The following CDC23 variants were observed in gnomAD, a reference collection of about 807,000 sequenced individuals.
CDC23 encodes cell division cycle protein 23 homolog.
A neutral mutation model predicts 81.7 loss-of-function variants in CDC23; 26 were observed. That is an observed-to-expected ratio of 0.32 (90% CI 0.23 to 0.44). The LOEUF (loss-of-function observed/expected upper bound fraction) is 0.44. Ranked by LOEUF, CDC23 falls within the 20% of genes least tolerant of loss-of-function variation. The pLI is 1.00. For missense variants in CDC23, 519 were observed against 728.0 expected, an observed-to-expected ratio of 0.71 and a Z score of 3.30; for synonymous variants, 267 against 270.8, an observed-to-expected ratio of 0.99 and a Z score of 0.14.
At chr5:138,198,824 C>T (rs558417043) in intron 6 of CDC23, 42 bp from the exon 7 acceptor site, 3 of 1,572,570 alleles carry the variant, frequency 1.9e-6, no homozygotes, top group Middle Eastern at 1.7e-4. Flanking sequence ...TATAACTTGA[C>T]CTCTCTCTCA....
intron 9 of CDC23, among the ~76,000 whole-genome samples, chr5:138,196,232 C>T (rs909046433): frequency 6.6e-6 from 1 of 151,152 alleles, no homozygotes; most frequent in Non-Finnish European, 1.5e-5. Context: ...GAGTTCACCT[C>T]GAATGATTAT....
rs1561634148 is a variant in CDC23, at chr5:138,195,739, ATATATATGTAT to A, written c.1012+2449_1012+2459del. Among the ~76,000 whole-genome samples the A allele has an allele frequency of 9.0e-5, 5 of 55,698 alleles. No homozygotes were observed. The East Asian group carries it at 2.6e-3, about 29-fold the overall frequency. 36.5% of individuals were successfully genotyped at this position (55,698 alleles called of 152,430 possible). On this transcript the variant is annotated intron_variant, in intron 9 of 15. Transcript: ENST00000394886. ...ATATATATGTATATATATACATATAATATATATGTATATATATACATATATTATATATGTGT... is the reference window on the plus strand; with the variant it reads ...ATATATATGTATATATATACATATAAATATATACATATATTATATATGTGT...
chr5:138,206,748 A>T, intron 2 of CDC23, 64 bp from the exon 3 acceptor site: 3 of 1,471,824 alleles, frequency 2.0e-6, no homozygotes, highest in Non-Finnish European at 2.8e-6. Flanking sequence ...AAATCTAAAA[A>T]GTATATTCGT....
intron 14 of CDC23, 23 bp from the exon 15 acceptor site, chr5:138,189,775 C>A: frequency 6.2e-7 from 1 of 1,613,286 alleles, no homozygotes. Context: ...AGCAAAATTA[C>A]TGAGGTGACA....
intron 9 of CDC23, among the ~76,000 whole-genome samples, chr5:138,194,023 C>T (rs913944745): frequency 6.6e-6 from 1 of 151,562 alleles, no homozygotes; most frequent in African/African-American, 2.4e-5. Context: ...CAGTTCTATT[C>T]TCATTGGTCT....
At chr5:138,195,772 G>GTATATATATACATATATTATA (rs1561634205) in intron 9 of CDC23, among the ~76,000 whole-genome samples, 3 of 101,668 alleles carry the variant, frequency 3.0e-5, no homozygotes, top group African/African-American at 1.2e-4. Flanking sequence ...TATTATATAT[G>GTATATATATACATATATTATA]TGTATATATA....
intron 3 of CDC23, chr5:138,206,258 C>T (rs1755046615): frequency 4.3e-6 from 2 of 466,258 alleles, no homozygotes; most frequent in East Asian, 6.6e-5. Context: ...GGCTTTTTAA[C>T]TTAATTCTTA....
chr5:138,203,199 A>G (rs887987129), intron 3 of CDC23, among the ~76,000 whole-genome samples: 2 of 152,186 alleles, frequency 1.3e-5, no homozygotes, highest in African/African-American at 2.4e-5. Context: ...TGGAAAGGGA[A>G]AAGAAGTCAA....
At chr5:138,199,935 G>C (rs1241505208) in intron 6 of CDC23, among the ~76,000 whole-genome samples, 1 of 152,178 alleles carries the variant, frequency 6.6e-6, no homozygotes, top group African/African-American at 2.4e-5. Context: ...GCCAAAAAAA[G>C]GAAGTGTATT....
rs142570644 is a variant in CDC23 at position 138,189,545 on chromosome 5, C to T, written c.1623+88G>A. 4.2e-4 allele frequency: 570 copies of T among 1,350,814 alleles called. 2 individuals carry two copies. The African/African-American group carries it at 7.4e-3, about 18-fold the overall frequency. The allele number at this position is 1,350,814 out of a possible 1,614,324, so 83.7% of individuals were successfully genotyped here. On this transcript the variant is annotated intron_variant, in intron 15 of 15. Coordinates refer to ENST00000394886, the MANE Select transcript of CDC23 (RefSeq NM_004661.4). ...AAGTGTTGGGATTATAGGTGTGAGCCGCTTGCCTGGCCAAGGTAGGCTTTC... is the reference window on the plus strand; with the variant it reads ...AAGTGTTGGGATTATAGGTGTGAGCTGCTTGCCTGGCCAAGGTAGGCTTTC...
At chr5:138,208,779 AGCATTTG>A (rs1214310437) in intron 2 of CDC23, among the ~76,000 whole-genome samples, 1 of 152,180 alleles carries the variant, frequency 6.6e-6, no homozygotes, top group African/African-American at 2.4e-5. Context: ...AGAGGCATTT[AGCATTTG>A]GCTGAGTTTT....
chr5:138,212,659 A>G (rs571488322), intron 2 of CDC23, among the ~76,000 whole-genome samples: 1 of 152,260 alleles, frequency 6.6e-6, no homozygotes, highest in Admixed American at 6.5e-5. Context: ...TTATTATGAG[A>G]TATCCTTATA....
At chr5:138,198,365 A>T in intron 8 of CDC23, 61 bp downstream of exon 8, 1 of 1,586,258 alleles carries the variant, frequency 6.3e-7, no homozygotes, top group South Asian at 1.1e-5. Context: ...GTGGGTGACA[A>T]TCCAACCCAG....
chr5:138,206,969 T>A (rs1357702562), intron 2 of CDC23, among the ~76,000 whole-genome samples: 1 of 147,218 alleles, frequency 6.8e-6, no homozygotes, highest in Non-Finnish European at 1.5e-5. Context: ...AACCTCTGCC[T>A]CCCAGGTTCA....
At chr5:138,197,519 C>T (rs1241263913) in intron 9 of CDC23, among the ~76,000 whole-genome samples, 14 of 140,104 alleles carry the variant, frequency 1.0e-4, no homozygotes, top group Admixed American at 2.9e-4. Flanking sequence ...TTTTTTGAGA[C>T]GGAGTCTCAC....
intron 9 of CDC23, among the ~76,000 whole-genome samples, chr5:138,197,593 T>A (rs1204743346): frequency 1.3e-5 from 2 of 149,658 alleles, no homozygotes; most frequent in Non-Finnish European, 2.9e-5. Flanking sequence ...ACCTCCCGGG[T>A]TCATGTGATT....
chr5:138,199,240 A>G (rs569446630), intron 6 of CDC23, among the ~76,000 whole-genome samples: 1 of 152,304 alleles, frequency 6.6e-6, no homozygotes, highest in East Asian at 1.9e-4. Context: ...AATGGGATAC[A>G]ATAGGGAACC....
At chr5:138,199,112 T>C (rs1271006330) in intron 6 of CDC23, among the ~76,000 whole-genome samples, 1 of 152,122 alleles carries the variant, frequency 6.6e-6, no homozygotes, top group Non-Finnish European at 1.5e-5. Context: ...AAAACAGTCA[T>C]GATGATTGTG....
chr5:138,198,648 C>G lies in CDC23; in HGVS notation c.789G>C (p.Ser263=). The G allele has an allele frequency of 6.2e-7, 1 of 1,614,110 alleles. No individual in the cohort carries two copies. Among genetic ancestry groups the G allele is most frequent in the Non-Finnish European group, 8.5e-7 (1 of 1,180,010 alleles). The part of the protein sequence containing the change: ...NLIDVGFSKS[S]YIVSQIAVAY... ...CAACTGCAATTTGGGAAACAATATA[C>G]GAGCTCTTAGAGAAGCCCACATCAA... Residue 263 remains serine, a synonymous_variant, in exon 7 of 16, where the codon TCG becomes TCC. Coordinates refer to ENST00000394886, the MANE Select transcript of CDC23 (RefSeq NM_004661.4).
Sources: gnomAD v4.1 joint callset for allele counts (sites outside exome capture counted in the v4.1 genomes callset) on GRCh38, gnomAD v4.1.1 for gene constraint, MANE v1.5 for transcripts, NCBI Gene and HGNC (gene_info 2026-07-23, HGNC 2026-07-21) for gene names.